ZNF273: variants seen among roughly 807,000 people sequenced by gnomAD.
ZNF273 encodes the protein zinc finger protein 9.
A neutral mutation model predicts 14.9 loss-of-function variants in ZNF273; 11 were observed. That is an observed-to-expected ratio of 0.74 (90% CI 0.46 to 1.22). ZNF273 has a LOEUF of 1.22. ZNF273 is among the 50% of genes most tolerant of loss of function. The pLI is 0.00. For synonymous variants in ZNF273, 199 were observed against 223.9 expected (o/e 0.89, Z 0.99); for missense variants, 577 against 660.6 (o/e 0.87, Z 1.39).
At chr7:64,916,563 A>AAAC (rs1794016067) in intron 1 of ZNF273, among the ~76,000 whole-genome samples, 3 of 150,424 alleles carry the variant, frequency 2.0e-5, no homozygotes, top group Non-Finnish European at 3.0e-5. Context: ...AAAAAAAAAA[A>AAAC]AACCATACAC....
intron 2 of ZNF273, among the ~76,000 whole-genome samples, chr7:64,879,210 G>C (rs1791188546): frequency 6.6e-6 from 1 of 152,158 alleles, no homozygotes; most frequent in African/African-American, 2.4e-5. Flanking sequence ...AGGGATTTCA[G>C]AGTCAAAAGA....
chr7:64,903,432 G>T lies in ZNF273; in HGVS notation c.102+13G>T. ...AAGCCTAGAAATGGTGAGAGTGCCG[G>T]GTCCCAGATCCCGAGAGAGGGGGAG... On this transcript the variant is annotated intron_variant, in intron 1 of 3. Coordinates refer to ENST00000476120, the MANE Select transcript of ZNF273 (RefSeq NM_021148.3). 1 of 1,605,906 alleles carries T rather than the reference G, an allele frequency of 6.2e-7. No individual in the cohort carries two copies. The highest frequency in any genetic ancestry group is 8.5e-7 in the Non-Finnish European group (1 of 1,172,934).
chr7:64,880,543 A>G (rs927296798), downstream of ZNF273, among the ~76,000 whole-genome samples: 11 of 152,006 alleles, frequency 7.2e-5, no homozygotes, highest in South Asian at 6.2e-4. Context: ...TGTGGCGTCA[A>G]CTGAAAGGAA....
downstream of ZNF273, chr7:64,890,235 A>AGAGAGAGAGAGAGAGAGAGAGAGG (rs1458526667): frequency 9.2e-6 from 1 of 108,736 alleles, no homozygotes; most frequent in Non-Finnish European, 2.1e-5. Flanking sequence ...AGAGAGAGAG[A>AGAGAGAGAGAGAGAGAGAGAGAGG]GGGAATTCTC....
intron 3 of ZNF273, among the ~76,000 whole-genome samples, chr7:64,897,152 T>A (rs923463408): frequency 1.3e-4 from 20 of 152,174 alleles, no homozygotes; most frequent in Non-Finnish European, 2.5e-4. Context: ...TACCTTAACA[T>A]GTAATTTATT....
chr7:64,913,201 A>T (rs889707316), intron 1 of ZNF273, among the ~76,000 whole-genome samples: 3 of 152,164 alleles, frequency 2.0e-5, no homozygotes, highest in Non-Finnish European at 2.9e-5. Context: ...AAATATAAAC[A>T]CAATAAAAAT....
intron 1 of ZNF273, among the ~76,000 whole-genome samples, chr7:64,904,701 C>T (rs1011113644): frequency 7.2e-5 from 11 of 152,100 alleles, no homozygotes; most frequent in African/African-American, 1.7e-4. Flanking sequence ...TTTGACACAG[C>T]ATTGGATAGC....
At chr7:64,904,126 C>T (rs1166322425) in intron 1 of ZNF273, among the ~76,000 whole-genome samples, 2 of 152,160 alleles carry the variant, frequency 1.3e-5, no homozygotes, top group Non-Finnish European at 2.9e-5. Context: ...CTCACACTGT[C>T]GCTCAGGCTG....
At chr7:64,884,403 G>A (rs1267704503), downstream of ZNF273, among the ~76,000 whole-genome samples, 2 of 152,106 alleles carry the variant, frequency 1.3e-5, no homozygotes, top group African/African-American at 4.8e-5. Flanking sequence ...CCCCTCAACA[G>A]CACTCCTGGG....
At chr7:64,896,538 C>G (rs1411369015) in intron 3 of ZNF273, among the ~76,000 whole-genome samples, 1 of 151,816 alleles carries the variant, frequency 6.6e-6, no homozygotes, top group Non-Finnish European at 1.5e-5. Flanking sequence ...ACAAAATATA[C>G]CCAGTCAAGT....
rs1229587253 is a variant in ZNF273, at chr7:64,923,386, G to A, written c.326-4268G>A. On this transcript the variant is annotated intron_variant, in intron 3 of 3. Coordinates refer to ENST00000476120, the MANE Select transcript of ZNF273 (RefSeq NM_021148.3). Reference sequence around the variant, plus strand: ...TACAGATTCTCATTCTTTCACCCAGGTTGGAGTGCAGTGGCGTGATCTTGG... The same window carrying A: ...TACAGATTCTCATTCTTTCACCCAGATTGGAGTGCAGTGGCGTGATCTTGG... 11 of 455,004 alleles carry A rather than the reference G, an allele frequency of 2.4e-5. No individual in the cohort carries two copies. The East Asian group carries it at 4.2e-4, about 17-fold the overall frequency. The allele number at this position is 455,004 out of a possible 1,614,324, so 28.2% of individuals were successfully genotyped here. A position where few individuals can be genotyped will look rare whatever the true frequency, so the allele number is the denominator to read the frequency against.
chr7:64,891,061 C>T (rs1157422004), downstream of ZNF273, among the ~76,000 whole-genome samples: 2 of 152,222 alleles, frequency 1.3e-5, no homozygotes, highest in African/African-American at 2.4e-5. Context: ...CCTCTTTCTG[C>T]CAGTGGTCCC....
intron 3 of ZNF273, 102 bp downstream of exon 3, chr7:64,918,394 G>A: frequency 1.7e-6 from 2 of 1,203,156 alleles, no homozygotes; most frequent in African/African-American, 1.6e-5. Context: ...CAGGCGCGGT[G>A]GCTCACGTCT....
chr7:64,904,615 C>T (rs1792962038), intron 1 of ZNF273, among the ~76,000 whole-genome samples: 1 of 152,134 alleles, frequency 6.6e-6, no homozygotes, highest in South Asian at 2.1e-4. Context: ...TCTGACATTC[C>T]GAAATGCCAA....
At chr7:64,883,193 C>T (rs1318779049), downstream of ZNF273, among the ~76,000 whole-genome samples, 1 of 145,342 alleles carries the variant, frequency 6.9e-6, no homozygotes, top group Non-Finnish European at 1.5e-5. Flanking sequence ...CTGGCTGAGA[C>T]GCGCAGGAGC....
At chr7:64,902,462 G>A (rs1229335521), upstream of ZNF273, among the ~76,000 whole-genome samples, 1 of 152,196 alleles carries the variant, frequency 6.6e-6, no homozygotes, top group Admixed American at 6.5e-5. Flanking sequence ...AGGCGCGGTG[G>A]CTCACGCCTG....
rs1485837061 is a variant in ZNF273, at chr7:64,930,912, G to A, written c.*1874G>A. ...TACAACTAAATTGTTATGGACTACA[G>A]GGTTATTTTTATGGTCATAATAAAA... On this transcript the variant is annotated 3_prime_UTR_variant, in exon 4 of 4. Coordinates refer to ENST00000476120, the MANE Select transcript of ZNF273 (RefSeq NM_021148.3). 6.6e-6 allele frequency: 1 copy of A among 151,678 alleles called. No homozygotes were observed. Among genetic ancestry groups the A allele is most frequent in the African/African-American group, 2.4e-5 (1 of 41,298 alleles). 9.4% of individuals were successfully genotyped at this position (151,678 alleles called of 1,614,324 possible). A position where few individuals can be genotyped will look rare whatever the true frequency, so the allele number is the denominator to read the frequency against.
At chr7:64,903,456 A>G (rs778031276) in intron 1 of ZNF273, 37 bp downstream of exon 1, 4 of 1,572,046 alleles carry the variant, frequency 2.5e-6, no homozygotes, top group East Asian at 2.3e-5. Flanking sequence ...AGAGAGGGGG[A>G]GGGCCTGGTT....
chr7:64,910,298 T>C, intron 1 of ZNF273, among the ~76,000 whole-genome samples: 1 of 152,228 alleles, frequency 6.6e-6, no homozygotes, highest in East Asian at 1.9e-4. Context: ...AGGGCTTTTG[T>C]ATAATTTTAA....
Sources: allele counts gnomAD v4.1 joint callset (sites outside exome capture counted in the v4.1 genomes callset), GRCh38; gene constraint gnomAD v4.1.1; transcripts MANE v1.5; gene names NCBI Gene and HGNC (gene_info 2026-07-23, HGNC 2026-07-21).